Variants in USP40 observed in about 807,000 individuals in gnomAD.
USP40 encodes the protein ubiquitin specific peptidase 40, also known as ubiquitin carboxyl-terminal hydrolase 40.
A neutral mutation model predicts 166.2 loss-of-function variants in USP40; 143 were observed. The observed-to-expected ratio is 0.86, with a 90% CI of 0.75 to 0.99. The LOEUF is 0.99. USP40 is among the 50% of genes least tolerant of loss of function. The probability of loss-of-function intolerance (pLI) is 0.00; values close to 1 mark genes in which losing one functional copy is unlikely to be tolerated. For missense variants in USP40, 1,444 were observed against 1,479.7 expected, an observed-to-expected ratio of 0.98 and a Z score of 0.40; for synonymous variants, 498 against 524.0, an observed-to-expected ratio of 0.95 and a Z score of 0.68.
chr2:233,529,523 A>G lies in USP40; in HGVS notation c.1472-11T>C. 1 of 1,565,356 alleles carries G rather than the reference A, an allele frequency of 6.4e-7. No individual in the cohort carries two copies. ...TTGGATTAGCTCGAGCTGTGAACAA[A>G]ATTTTTCATTAACTTGTGTTGGCTA... is the stretch of plus-strand genomic sequence containing the variant. On this transcript the variant is annotated splice_polypyrimidine_tract_variant and intron_variant, in intron 11 of 31. Coordinates refer to ENST00000678225, the MANE Select transcript of USP40 (RefSeq NM_001365479.2).
At position 233,529,508 on chromosome 2, in the gene USP40, T is replaced by C; in HGVS notation, c.1476A>G (p.Arg492=). 6.3e-7 allele frequency: 1 copy of C among 1,577,588 alleles called. No homozygotes were observed. The highest frequency in any genetic ancestry group is 8.6e-7 in the Non-Finnish European group (1 of 1,160,062). The change falls in exon 12 of 32, where the codon CGA becomes CGG. Residue 492 remains arginine, a synonymous_variant. Coordinates refer to ENST00000678225, the MANE Select transcript of USP40 (RefSeq NM_001365479.2). The stretch of plus-strand genomic sequence containing the variant: ...ATGGAACCCCATATCTTGGATTAGC[T>C]CGAGCTGTGAACAAAATTTTTCATT... ...KSQLQRPPEA[R]ANPRYGVPCH...
chr2:233,510,998 G>C (rs1306431430), intron 20 of USP40, among the ~76,000 whole-genome samples: 1 of 152,150 alleles, frequency 6.6e-6, no homozygotes, highest in Non-Finnish European at 1.5e-5. Context: ...CTACGGTTCA[G>C]GGGAAAGCAA....
intron 18 of USP40, among the ~76,000 whole-genome samples, chr2:233,516,145 C>T (rs1408769080): frequency 6.6e-6 from 1 of 152,076 alleles, no homozygotes; most frequent in East Asian, 1.9e-4. Flanking sequence ...AGGTTGTAGG[C>T]CATAGTTTGC....
rs1575340958 is a variant in USP40 at position 233,554,474 on chromosome 2, T to C, written c.599A>G (p.Asp200Gly). ...VAVKNVSGLE[D>G]ALWNMYVEEE... is the part of the protein sequence containing the mutation. Reference sequence around the variant, plus strand: ...TTCTACATACATGTTCCAGAGAGCATCTTCCAAACCGGATACATTTTTGAC... The same window carrying C: ...TTCTACATACATGTTCCAGAGAGCACCTTCCAAACCGGATACATTTTTGAC... The change falls in exon 6 of 32, where the codon GAT (aspartate) becomes GGT (glycine). Residue 200 changes from aspartate (D) to glycine (G), a missense_variant. Asp to Gly is a moderately conservative substitution (Grantham distance 94, BLOSUM62 -1). Coordinates refer to ENST00000678225, the MANE Select transcript of USP40 (RefSeq NM_001365479.2). 1 of 1,613,022 alleles carries C rather than the reference T, an allele frequency of 6.2e-7. No homozygotes were observed. The highest frequency in any genetic ancestry group is 8.5e-7 in the Non-Finnish European group (1 of 1,179,628).
chr2:233,562,927 T>C, intron 2 of USP40, 124 bp from the exon 3 acceptor site: 1 of 627,742 alleles, frequency 1.6e-6, no homozygotes, highest in Non-Finnish European at 2.6e-6. Context: ...GTGGCAATAT[T>C]TATACCTTAC....
chr2:233,556,784 T>C, intron 5 of USP40, 71 bp downstream of exon 5: 1 of 1,413,942 alleles, frequency 7.1e-7, no homozygotes, highest in Non-Finnish European at 9.5e-7. Flanking sequence ...GTGTGGTATA[T>C]ATCATACATT....
At chr2:233,533,199 A>G (rs1459563954) in intron 11 of USP40, among the ~76,000 whole-genome samples, 1 of 152,182 alleles carries the variant, frequency 6.6e-6, no homozygotes, top group Non-Finnish European at 1.5e-5. Flanking sequence ...GTTTGCCAAC[A>G]CAAGAAGGTT....
intron 14 of USP40, among the ~76,000 whole-genome samples, chr2:233,524,888 G>C (rs1000909881): frequency 6.6e-6 from 1 of 152,272 alleles, no homozygotes; most frequent in Middle Eastern, 3.4e-3. Context: ...AAGCTGTATT[G>C]TGTGCTTCAA....
intron 6 of USP40, among the ~76,000 whole-genome samples, chr2:233,552,277 A>G (rs772836171): frequency 6.6e-5 from 10 of 152,010 alleles, no homozygotes; most frequent in Non-Finnish European, 1.2e-4. Flanking sequence ...AGATTTTCAA[A>G]CAAGCTCTAA....
At position 233,507,566 on chromosome 2, in the gene USP40, C is replaced by A. The variant is rs559280406; in HGVS notation, c.2613+2483G>T. 2.6e-5 allele frequency among the ~76,000 whole-genome samples: 4 copies of A among 151,066 alleles called. No individual in the cohort carries two copies. The South Asian group carries it at 8.4e-4, about 32-fold the overall frequency. ...AAGACATCATGTTAAGTGAACGAAG[C>A]CAGGCACAGAAAGGCTGATCGGTAA... On this transcript the variant is annotated intron_variant, in intron 21 of 31. Transcript: ENST00000678225.
At chr2:233,554,651 G>A (rs2070888910) in intron 5 of USP40, 125 bp from the exon 6 acceptor site, 1 of 664,092 alleles carries the variant, frequency 1.5e-6, no homozygotes, top group African/African-American at 1.9e-5. Flanking sequence ...TAAAGATGTA[G>A]ATCTCCTGAT....
chr2:233,523,628 A>G (rs1559251888), intron 15 of USP40, 139 bp from the exon 16 acceptor site: 11 of 810,316 alleles, frequency 1.4e-5, no homozygotes, highest in African/African-American at 1.7e-5. Flanking sequence ...TCTGTTAAGC[A>G]TCAGAGGAAC....
chr2:233,489,512 C>T (rs762703756), intron 26 of USP40, 29 bp from the exon 27 acceptor site: 18 of 1,538,830 alleles, frequency 1.2e-5, no homozygotes, highest in South Asian at 1.1e-4. Context: ...ATTTCTCCAA[C>T]GGTTTTAAAA....
chr2:233,563,572 C>T (rs898487955), intron 2 of USP40, among the ~76,000 whole-genome samples: 1 of 152,142 alleles, frequency 6.6e-6, no homozygotes, highest in Non-Finnish European at 1.5e-5. Context: ...TACAAATCTA[C>T]AAGTTAAAGC....
rs2065497821 is a variant in USP40, at chr2:233,493,823, T to C, written c.2791-272A>G. ...AAATGAGAAGCATAAACAAGAACAA[T>C]GCATTTGCTTGAACACACTATACCA... On this transcript the variant is annotated intron_variant, in intron 24 of 31. Transcript: ENST00000678225. This position sits in a 1 kb window ranked among gnomAD's most constrained non-coding sequence, Gnocchi z 4.7. 6.6e-6 allele frequency among the ~76,000 whole-genome samples: 1 copy of C among 152,184 alleles called. No individual in the cohort carries two copies. Among genetic ancestry groups the C allele is most frequent in the African/African-American group, 2.4e-5 (1 of 41,448 alleles).
rs138458644 is a variant in USP40, at chr2:233,486,207, C to A, written c.3198-230G>T. On this transcript the variant is annotated intron_variant, in intron 28 of 31. Coordinates refer to ENST00000678225, the MANE Select transcript of USP40 (RefSeq NM_001365479.2). The surrounding 1 kb of genome is among the most constrained non-coding windows in gnomAD (Gnocchi z 4.0). Reference sequence around the variant, plus strand: ...TCCCATTCTCGGTACACAGCAGAGCCCCCCCAGACGTGGTAGGGAACTTCC... The same window carrying A: ...TCCCATTCTCGGTACACAGCAGAGCACCCCCAGACGTGGTAGGGAACTTCC... Among the ~76,000 whole-genome samples the A allele has an allele frequency of 6.6e-6, 1 of 152,042 alleles. No homozygotes were observed. The highest frequency in any genetic ancestry group is 2.4e-5 in the African/African-American group (1 of 41,372).
chr2:233,493,183 A>G lies in USP40; in HGVS notation c.2917+242T>C. The G allele has an allele frequency of 3.5e-6, 2 of 564,596 alleles. No homozygotes were observed. The highest frequency in any genetic ancestry group is 6.1e-6 in the Non-Finnish European group (2 of 325,478). The allele number at this position is 564,596 out of a possible 1,614,324, so 35.0% of individuals were successfully genotyped here. ...TACATAAAAGTCTTTGGAAAGTGTAATATATTGATATAATAATAAACAACA... is the reference window on the plus strand; with the variant it reads ...TACATAAAAGTCTTTGGAAAGTGTAGTATATTGATATAATAATAAACAACA... On this transcript the variant is annotated intron_variant, in intron 25 of 31. Transcript: ENST00000678225. The surrounding 1 kb of genome is among the most constrained non-coding windows in gnomAD (Gnocchi z 4.7).
In USP40 at chr2:233,493,242, C is replaced by T. The variant is rs139628395; in HGVS notation, c.2917+183G>A. 410 of 762,220 alleles carry T rather than the reference C, an allele frequency of 5.4e-4. No individual in the cohort carries two copies. The highest frequency in any genetic ancestry group is 8.1e-4 in the Non-Finnish European group (379 of 468,426). 47.2% of individuals were successfully genotyped at this position (762,220 alleles called of 1,614,324 possible). A position where few individuals can be genotyped will look rare whatever the true frequency, so the allele number is the denominator to read the frequency against. ...AGTGCTTTACAGAGGTTACAGAGCA[C>T]GTACAGAAATGGCACAGTGTTATTA... On this transcript the variant is annotated intron_variant, in intron 25 of 31. Transcript: ENST00000678225. The surrounding 1 kb of genome is among the most constrained non-coding windows in gnomAD (Gnocchi z 4.7).
intron 13 of USP40, 122 bp from the exon 14 acceptor site, chr2:233,525,684 C>A: frequency 1.6e-6 from 1 of 630,334 alleles, no homozygotes; most frequent in East Asian, 2.8e-5. Flanking sequence ...TGAATACTCT[C>A]ACCCCCACCC....
Sources: gnomAD v4.1 joint callset for allele counts (sites outside exome capture counted in the v4.1 genomes callset) on GRCh38, gnomAD v4.1.1 for gene constraint, Gnocchi (gnomAD v3.1) non-coding constraint, MANE v1.5 for transcripts, NCBI Gene and HGNC (gene_info 2026-07-23, HGNC 2026-07-21) for gene names.